The following NTNG1 variants were observed in gnomAD, a reference collection of about 807,000 sequenced individuals.
NTNG1 encodes netrin-G1.
A neutral mutation model predicts 54.0 loss-of-function variants in NTNG1; 16 were observed. The observed-to-expected ratio is 0.30, with a 90% CI of 0.20 to 0.45. The LOEUF (loss-of-function observed/expected upper bound fraction) is 0.45, where lower values mean the gene tolerates loss of function less well. NTNG1 is among the 20% of genes least tolerant of loss of function. The probability of loss-of-function intolerance (pLI) is 1.00; values close to 1 mark genes in which losing one functional copy is unlikely to be tolerated. For synonymous variants in NTNG1, 255 were observed against 263.1 expected, an observed-to-expected ratio of 0.97 and a Z score of 0.30; for missense variants, 530 against 678.7, an observed-to-expected ratio of 0.78 and a Z score of 2.43.
At chr1:107,428,884 ACT>A (rs1675071788) in intron 5 of NTNG1, among the ~76,000 whole-genome samples, 3 of 151,928 alleles carry the variant, frequency 2.0e-5, no homozygotes, top group Admixed American at 6.6e-5. Flanking sequence ...GTAATCTGTA[ACT>A]CTATGATTAT....
At chr1:107,389,482 G>C (rs1454541680) in intron 3 of NTNG1, among the ~76,000 whole-genome samples, 1 of 152,170 alleles carries the variant, frequency 6.6e-6, no homozygotes, top group Non-Finnish European at 1.5e-5. Context: ...AGGTGGCACA[G>C]AACTAAATGT....
chr1:107,483,008 AT>A lies in NTNG1; in HGVS notation c.*2171del, dbSNP rs1265369802. The A allele has an allele frequency of 6.6e-6, 1 of 152,218 alleles. No individual in the cohort carries two copies. Among genetic ancestry groups the A allele is most frequent in the East Asian group, 1.9e-4 (1 of 5,198 alleles). The allele number at this position is 152,218 out of a possible 1,614,324, so 9.4% of individuals were successfully genotyped here. On this transcript the variant is annotated 3_prime_UTR_variant, in exon 8 of 8. Coordinates refer to ENST00000370068, the MANE Select transcript of NTNG1 (RefSeq NM_001113226.3). ...CAGAGTGGCCAACCAGAAATTGGAG[AT>A]TTACGTTGGAAGCATAAATAGAAAA...
intron 2 of NTNG1, among the ~76,000 whole-genome samples, chr1:107,251,793 T>G (rs936302234): frequency 2.0e-5 from 3 of 152,182 alleles, no homozygotes; most frequent in Admixed American, 6.5e-5. Flanking sequence ...GCCACTGACC[T>G]CTCCAGTTTC....
rs1678804091 is a variant in NTNG1, at chr1:107,482,711, CT to C, written c.*1872del. 1.3e-5 allele frequency: 2 copies of C among 152,314 alleles called. No individual in the cohort carries two copies. Among genetic ancestry groups the C allele is most frequent in the Non-Finnish European group, 2.9e-5 (2 of 68,046 alleles). The allele number at this position is 152,314 out of a possible 1,614,324, so 9.4% of individuals were successfully genotyped here. A position where few individuals can be genotyped will look rare whatever the true frequency, so the allele number is the denominator to read the frequency against. Reference sequence around the variant, plus strand: ...CTAGTTCCAGTCTGAATTCTTCACCCTGCTGCCACTCCTTGCTGAAACAGGG... The same window carrying C: ...CTAGTTCCAGTCTGAATTCTTCACCCGCTGCCACTCCTTGCTGAAACAGGG... On this transcript the variant is annotated 3_prime_UTR_variant, in exon 8 of 8. Transcript: ENST00000370068.
intron 2 of NTNG1, among the ~76,000 whole-genome samples, chr1:107,269,424 C>T (rs1395709223): frequency 6.6e-6 from 1 of 152,144 alleles, no homozygotes; most frequent in African/African-American, 2.4e-5. Flanking sequence ...ATTTACCCTG[C>T]TTTATTGTTT....
intron 2 of NTNG1, among the ~76,000 whole-genome samples, chr1:107,219,357 C>A (rs181273793): frequency 3.9e-5 from 6 of 152,116 alleles, no homozygotes; most frequent in Non-Finnish European, 7.3e-5. Context: ...TGGACTTCAT[C>A]CTTCTCTGGT....
intron 2 of NTNG1, among the ~76,000 whole-genome samples, chr1:107,318,725 A>G (rs575551675): frequency 7.9e-5 from 12 of 152,242 alleles, no homozygotes; most frequent in African/African-American, 4.8e-5. Flanking sequence ...CATGCATCCA[A>G]TGGGGGGTCT....
chr1:107,232,204 A>G (rs1661116010), intron 2 of NTNG1, among the ~76,000 whole-genome samples: 1 of 152,222 alleles, frequency 6.6e-6, no homozygotes, highest in African/African-American at 2.4e-5. Flanking sequence ...GTATCTTTTC[A>G]AATGAAGGCA....
chr1:107,356,992 G>T (rs1669972347), intron 3 of NTNG1, among the ~76,000 whole-genome samples: 1 of 152,148 alleles, frequency 6.6e-6, no homozygotes, highest in African/African-American at 2.4e-5. Context: ...AACAAGGTGA[G>T]ACTCTGTCTC....
intron 3 of NTNG1, among the ~76,000 whole-genome samples, chr1:107,376,446 C>T (rs962098827): frequency 6.6e-6 from 1 of 151,164 alleles, no homozygotes; most frequent in Non-Finnish European, 1.5e-5. Flanking sequence ...AAAAAATTTG[C>T]TATTGTATTT....
intron 7 of NTNG1, among the ~76,000 whole-genome samples, chr1:107,439,205 A>T (rs986429578): frequency 6.6e-6 from 1 of 152,012 alleles, no homozygotes; most frequent in African/African-American, 2.4e-5. Flanking sequence ...GCACTAAAGG[A>T]TCAGTGGAGC....
chr1:107,297,103 A>G lies in NTNG1; in HGVS notation c.247-27179A>G, dbSNP rs1023923429. Among the ~76,000 whole-genome samples the G allele has an allele frequency of 8.8e-3, 1,300 of 147,554 alleles. 18 individuals carry two copies. The highest frequency in any genetic ancestry group is 0.031 in the African/African-American group (1,248 of 40,396). ...CAGATGAGGACACACACACACACAC[A>G]CACACACACACAAACACACACATAT... On this transcript the variant is annotated intron_variant, in intron 2 of 7. Transcript: ENST00000370068.
intron 3 of NTNG1, among the ~76,000 whole-genome samples, chr1:107,388,677 A>T (rs1334932550): frequency 6.6e-6 from 1 of 152,206 alleles, no homozygotes; most frequent in African/African-American, 2.4e-5. Flanking sequence ...GCCTTACAGT[A>T]AGTAAGTGGC....
chr1:107,179,240 T>A (rs1656887009), intron 2 of NTNG1, among the ~76,000 whole-genome samples: 1 of 152,224 alleles, frequency 6.6e-6, no homozygotes, highest in Admixed American at 6.5e-5. Context: ...TATTCATTTA[T>A]TATTATGCTG....
intron 2 of NTNG1, among the ~76,000 whole-genome samples, chr1:107,267,963 G>A (rs1251093387): frequency 6.6e-6 from 1 of 152,092 alleles, no homozygotes; most frequent in Non-Finnish European, 1.5e-5. Flanking sequence ...CCCATACTGT[G>A]GATAAATTGT....
chr1:107,301,185 T>A (rs1346037957), intron 2 of NTNG1, among the ~76,000 whole-genome samples: 1 of 152,188 alleles, frequency 6.6e-6, no homozygotes, highest in Non-Finnish European at 1.5e-5. Flanking sequence ...ATGTAATGTT[T>A]AGATTTATTT....
chr1:107,407,873 G>A (rs766827937), intron 5 of NTNG1, 165 bp downstream of exon 5: 1 of 759,156 alleles, frequency 1.3e-6, no homozygotes. Flanking sequence ...GATCTGGTGA[G>A]AACACAGATA....
At chr1:107,400,686 T>C (rs1215757359) in intron 4 of NTNG1, among the ~76,000 whole-genome samples, 2 of 151,758 alleles carry the variant, frequency 1.3e-5, no homozygotes, top group East Asian at 1.9e-4. Flanking sequence ...TTTGCTCTTG[T>C]TGCCCAGGCT....
intron 2 of NTNG1, among the ~76,000 whole-genome samples, chr1:107,154,595 C>CAA (rs59619310): frequency 5.4e-4 from 26 of 47,758 alleles, no homozygotes; most frequent in East Asian, 7.6e-4. Flanking sequence ...GACCCTGTCT[C>CAA]AAAAAAAAAA....
Sources: allele counts gnomAD v4.1 joint callset (sites outside exome capture counted in the v4.1 genomes callset), GRCh38; gene constraint gnomAD v4.1.1; transcripts MANE v1.5; gene names NCBI Gene and HGNC (gene_info 2026-07-23, HGNC 2026-07-21).